The following MAGI2 variants were observed in gnomAD, a reference collection of about 807,000 sequenced individuals.
MAGI2 encodes the protein membrane associated guanylate kinase, WW and PDZ domain containing 2, also known as membrane-associated guanylate kinase, WW and PDZ domain-containing protein 2.
In MAGI2, 35 loss-of-function variants were observed where a neutral mutation model predicts 133.3. The ratio of observed to expected loss-of-function variants is 0.26; its 90% CI spans 0.20 to 0.35. The LOEUF is 0.35. Among genes scored for constraint, MAGI2 ranks in the 10% least tolerant of loss-of-function variants. The probability of loss-of-function intolerance (pLI) is 1.00; values close to 1 mark genes in which losing one functional copy is unlikely to be tolerated. For synonymous variants in MAGI2, 729 were observed against 710.6 expected, an observed-to-expected ratio of 1.03 and a Z score of -0.41; for missense variants, 1,636 against 1,863.4, an observed-to-expected ratio of 0.88 and a Z score of 2.25.
chr7:78,386,849 A>C (rs1795436253), intron 6 of MAGI2, among the ~76,000 whole-genome samples: 1 of 152,192 alleles, frequency 6.6e-6, no homozygotes, highest in Non-Finnish European at 1.5e-5. Context: ...TAATATATGG[A>C]ATCACATAAT....
At position 79,422,220 on chromosome 7, in the gene MAGI2, T is replaced by C. The variant is rs528099152; in HGVS notation, c.301+30800A>G. Among the ~76,000 whole-genome samples the C allele has an allele frequency of 3.3e-5, 5 of 152,182 alleles. No homozygotes were observed. The South Asian group carries it at 6.2e-4, about 19-fold the overall frequency. On this transcript the variant is annotated intron_variant, in intron 1 of 21. Transcript: ENST00000354212. ...AGTGGAGTTATTTAAACCTATATTC[T>C]ATACTTCTAGCTCCACTCTGTCAAG... is the stretch of plus-strand genomic sequence containing the variant.
In MAGI2 at chr7:78,749,532, C is replaced by T. The variant is rs569557804; in HGVS notation, c.419-122293G>A. On this transcript the variant is annotated intron_variant, in intron 2 of 21. Transcript: ENST00000354212. ...ATCAGCATAGGCCACAAAACAAAGA[C>T]GACATTTAAACATGTCAATGAGAAA... 7.2e-5 allele frequency among the ~76,000 whole-genome samples: 11 copies of T among 152,154 alleles called. No individual in the cohort carries two copies. The South Asian group carries it at 1.5e-3, about 20-fold the overall frequency.
chr7:78,400,104 T>A (rs1002745214), intron 6 of MAGI2, among the ~76,000 whole-genome samples: 1 of 152,218 alleles, frequency 6.6e-6, no homozygotes, highest in African/African-American at 2.4e-5. Flanking sequence ...CCATTGTTTT[T>A]CTGATGACAA....
intron 5 of MAGI2, among the ~76,000 whole-genome samples, chr7:78,497,734 A>G (rs374035821): frequency 3.4e-5 from 3 of 87,136 alleles, no homozygotes; most frequent in Non-Finnish European, 5.6e-5. Flanking sequence ...CTATCTATCT[A>G]TCTATCTATC....
intron 2 of MAGI2, among the ~76,000 whole-genome samples, chr7:78,809,158 C>G (rs1213889874): frequency 6.6e-6 from 1 of 152,138 alleles, no homozygotes; most frequent in Non-Finnish European, 1.5e-5. Flanking sequence ...AACACTGGAT[C>G]TGGTCACATC....
In MAGI2 at chr7:78,904,592, C is replaced by T. The variant is rs141995566; in HGVS notation, c.418+102498G>A. Among the ~76,000 whole-genome samples, 811 of 148,720 alleles carry T rather than the reference C, an allele frequency of 5.5e-3. 4 individuals are homozygous for T. The highest frequency in any genetic ancestry group is 7.7e-3 in the Non-Finnish European group (523 of 67,754). Reference sequence around the variant, plus strand: ...AGGCTGGAGCACAGTGGCACCTTCTCGGCTCACTGCAGCCTCTGCCTCAGC... The same window carrying T: ...AGGCTGGAGCACAGTGGCACCTTCTTGGCTCACTGCAGCCTCTGCCTCAGC... On this transcript the variant is annotated intron_variant, in intron 2 of 21. Coordinates refer to ENST00000354212, the MANE Select transcript of MAGI2 (RefSeq NM_012301.4).
chr7:78,938,563 C>T (rs1427939848), intron 2 of MAGI2, among the ~76,000 whole-genome samples: 4 of 151,806 alleles, frequency 2.6e-5, no homozygotes, highest in Non-Finnish European at 5.9e-5. Context: ...AAACTAAAGG[C>T]TGAGTGGGGA....
chr7:78,421,057 A>C (rs947233380), intron 6 of MAGI2, among the ~76,000 whole-genome samples: 2 of 152,164 alleles, frequency 1.3e-5, no homozygotes, highest in Admixed American at 1.3e-4. Flanking sequence ...TTTTGAACGG[A>C]CTCAAGGATG....
At chr7:79,102,368 T>A (rs1321186594) in intron 1 of MAGI2, among the ~76,000 whole-genome samples, 1 of 152,220 alleles carries the variant, frequency 6.6e-6, no homozygotes, top group African/African-American at 2.4e-5. Flanking sequence ...CTTTAGCTGC[T>A]GCCTAAATCA....
chr7:78,477,617 A>G (rs1027321901), intron 6 of MAGI2, among the ~76,000 whole-genome samples: 9 of 151,710 alleles, frequency 5.9e-5, no homozygotes, highest in Non-Finnish European at 1.0e-4. Context: ...CATTTATAAA[A>G]CCATCAGATC....
intron 2 of MAGI2, among the ~76,000 whole-genome samples, chr7:78,856,587 C>G (rs894162566): frequency 6.6e-6 from 1 of 152,072 alleles, no homozygotes; most frequent in Non-Finnish European, 1.5e-5. Context: ...TTTCCGAGGG[C>G]TCTGTTCTGT....
At chr7:78,664,397 A>T (rs760128271) in intron 2 of MAGI2, among the ~76,000 whole-genome samples, 6 of 152,114 alleles carry the variant, frequency 3.9e-5, no homozygotes, top group Non-Finnish European at 7.4e-5. Flanking sequence ...TATAGAATTG[A>T]ATTCCATTAT....
chr7:79,433,919 G>A (rs1847958798), intron 1 of MAGI2, among the ~76,000 whole-genome samples: 1 of 152,082 alleles, frequency 6.6e-6, no homozygotes, highest in African/African-American at 2.4e-5. Context: ...TTTCCTTGAT[G>A]GAATAAACTT....
At chr7:78,668,983 T>C (rs146773206) in intron 2 of MAGI2, among the ~76,000 whole-genome samples, 10,064 of 152,026 alleles carry the variant, frequency 0.066, 459 homozygotes, top group African/African-American at 0.13. Flanking sequence ...GATCCAAAAT[T>C]GATACCCTAA....
intron 1 of MAGI2, among the ~76,000 whole-genome samples, chr7:79,169,861 T>C (rs916700004): frequency 1.3e-5 from 2 of 151,638 alleles, no homozygotes; most frequent in Non-Finnish European, 2.9e-5. Flanking sequence ...TTCTCTCTCT[T>C]TTTTTTTGTC....
rs573513075 is a variant in MAGI2, at chr7:78,666,677, G to T, written c.419-39438C>A. On this transcript the variant is annotated intron_variant, in intron 2 of 21. Transcript: ENST00000354212. ...TTCACAGGGATCATCCAAAGTATGA[G>T]GGAACTTTTCACAGACTTTTATGAA... Among the ~76,000 whole-genome samples, 10 of 152,294 alleles carry T rather than the reference G, an allele frequency of 6.6e-5. No individual in the cohort carries two copies. In the South Asian group the frequency reaches 1.0e-3, roughly 16 times the overall value.
At chr7:79,129,180 T>C (rs1052098589) in intron 1 of MAGI2, among the ~76,000 whole-genome samples, 2 of 152,174 alleles carry the variant, frequency 1.3e-5, no homozygotes, top group Non-Finnish European at 2.9e-5. Flanking sequence ...ACCTCAAATG[T>C]GCTCAGAACA....
chr7:78,479,402 GA>G (rs1187859018), intron 6 of MAGI2, among the ~76,000 whole-genome samples: 1 of 151,878 alleles, frequency 6.6e-6, no homozygotes, highest in East Asian at 1.9e-4. Context: ...AGAGGCCAGA[GA>G]AAATACTTTC....
At chr7:78,543,311 G>C (rs1417746422) in intron 3 of MAGI2, among the ~76,000 whole-genome samples, 1 of 152,178 alleles carries the variant, frequency 6.6e-6, no homozygotes, top group Non-Finnish European at 1.5e-5. Context: ...ATTCAGTTCA[G>C]CTCCGTAATG....
Sources: allele counts gnomAD v4.1 joint callset (sites outside exome capture counted in the v4.1 genomes callset), GRCh38; gene constraint gnomAD v4.1.1; transcripts MANE v1.5; gene names NCBI Gene and HGNC (gene_info 2026-07-23, HGNC 2026-07-21).